The following URGCP variants were observed in gnomAD, a reference collection of about 807,000 sequenced individuals.
The protein encoded by URGCP is upregulator of cell proliferation.
A neutral mutation model predicts 24.6 loss-of-function variants in URGCP; 13 were observed. The observed-to-expected ratio is 0.53, with a 90% CI of 0.34 to 0.84. URGCP has a LOEUF of 0.84. URGCP is among the 40% of genes least tolerant of loss of function. The pLI, the probability that URGCP is intolerant of heterozygous loss-of-function variation, is 0.01. For synonymous variants in URGCP, 444 were observed against 487.2 expected (o/e 0.91, Z 1.17); for missense variants, 899 against 1,194.3 (o/e 0.75, Z 3.64).
upstream of URGCP, among the ~76,000 whole-genome samples, chr7:43,909,891 A>G (rs2095908094): frequency 1.4e-5 from 2 of 146,158 alleles, no homozygotes; most frequent in South Asian, 4.3e-4. Context: ...TAAAAATACA[A>G]AATTAGCCGG....
At chr7:43,888,114 T>C (rs1327590310) in intron 1 of URGCP, 1 of 262,954 alleles carries the variant, frequency 3.8e-6, no homozygotes, top group Non-Finnish European at 7.1e-6. Context: ...TACAGAACTC[T>C]AGAAGGATGT....
intron 1 of URGCP, among the ~76,000 whole-genome samples, chr7:43,913,381 T>A (rs6960144): frequency 0.017 from 2,531 of 151,340 alleles, 63 homozygotes; most frequent in African/African-American, 0.058. Context: ...GCTATTTTTT[T>A]TTTTTATTTT....
chr7:43,897,426 C>T (rs1053693585), intron 1 of URGCP, among the ~76,000 whole-genome samples: 4 of 151,872 alleles, frequency 2.6e-5, no homozygotes, highest in Non-Finnish European at 5.9e-5. Flanking sequence ...CAGGCATAGC[C>T]GGGGCAAAGG....
intron 1 of URGCP, among the ~76,000 whole-genome samples, chr7:43,900,515 A>T (rs566205763): frequency 4.6e-5 from 7 of 152,042 alleles, no homozygotes; most frequent in Non-Finnish European, 1.0e-4. Flanking sequence ...CAATTCAGCA[A>T]ATTTAAAACA....
At chr7:43,891,030 G>A (rs917622200) in intron 1 of URGCP, among the ~76,000 whole-genome samples, 1 of 151,908 alleles carries the variant, frequency 6.6e-6, no homozygotes, top group African/African-American at 2.4e-5. Context: ...GAGCTTTTCT[G>A]CTAAAACCTG....
chr7:43,905,133 G>C (rs1009206778), intron 1 of URGCP, among the ~76,000 whole-genome samples: 1 of 151,640 alleles, frequency 6.6e-6, no homozygotes, highest in African/African-American at 2.4e-5. Context: ...CACCAGTGAA[G>C]CATTAAGTCC....
At position 43,878,191 on chromosome 7, in the gene URGCP, G is replaced by A. The variant is rs1008020689; in HGVS notation, c.1272C>T (p.Ser424=). The part of the protein sequence containing the change: ...HVLVKVSSTD[S]DSFVKRIRAI... ...CCCGGATCCTCTTCACGAAGCTGTC[G>A]CTGTCAGTGCTGCTGACCTTTACCA... Residue 424 remains serine (S), a synonymous_variant, in exon 6 of 6, where the codon AGC becomes AGT. Transcript: ENST00000453200. This position sits in a 1 kb window ranked among gnomAD's most constrained non-coding sequence, Gnocchi z 5.6. 6.8e-6 allele frequency: 11 copies of A among 1,614,046 alleles called. No homozygotes were observed. Among genetic ancestry groups the A allele is most frequent in the African/African-American group, 4.0e-5 (3 of 74,918 alleles).
Position 43,919,408 on chromosome 7 carries a change from C to T in URGCP, c.-116+6724G>A, listed in dbSNP as rs529577114. ...AACCAGCTGGTGTCCACCATCATCT[C>T]GGCCAGCACCATCACCCTGCGCTAC... On this transcript the variant is annotated intron_variant, in intron 1 of 5. Transcript: ENST00000426198. 120 of 876,740 alleles carry T rather than the reference C, an allele frequency of 1.4e-4. 1 individual carries two copies. The African/African-American group carries it at 1.7e-3, about 13-fold the overall frequency. 54.3% of individuals were successfully genotyped at this position (876,740 alleles called of 1,614,324 possible).
At chr7:43,916,216 G>A (rs935959364) in intron 1 of URGCP, among the ~76,000 whole-genome samples, 2 of 152,132 alleles carry the variant, frequency 1.3e-5, no homozygotes, top group African/African-American at 2.4e-5. Flanking sequence ...TTAGAACGGC[G>A]AGGACTGTGA....
chr7:43,924,523 G>T (rs940375015), intron 1 of URGCP, among the ~76,000 whole-genome samples: 1 of 152,136 alleles, frequency 6.6e-6, no homozygotes, highest in South Asian at 2.1e-4. Context: ...AGAATCACTT[G>T]TTTTATGGGG....
chr7:43,915,607 G>T (rs561552324), intron 1 of URGCP, among the ~76,000 whole-genome samples: 1 of 152,336 alleles, frequency 6.6e-6, no homozygotes, highest in East Asian at 1.9e-4. Flanking sequence ...TGGCCCAAGG[G>T]CCCCATGCAG....
chr7:43,878,821 T>C lies in URGCP; in HGVS notation c.642A>G (p.Pro214=). 1 of 1,613,856 alleles carries C rather than the reference T, an allele frequency of 6.2e-7. No homozygotes were observed. The highest frequency in any genetic ancestry group is 1.7e-5 in the Admixed American group (1 of 59,976). ...LKMALCQFAL[P]LVLPDSENHY... The stretch of plus-strand genomic sequence containing the variant: ...GGTTCTCCGAGTCAGGCAACACGAG[T>C]GGGAGTGCAAACTGGCAGAGGGCCA... The change falls in exon 6 of 6, where the codon CCA becomes CCG. Residue 214 remains proline, a synonymous_variant. Coordinates refer to ENST00000453200, the MANE Select transcript of URGCP (RefSeq NM_001077663.3). This position sits in a 1 kb window ranked among gnomAD's most constrained non-coding sequence, Gnocchi z 5.6.
intron 1 of URGCP, chr7:43,918,877 T>A: frequency 7.1e-7 from 1 of 1,402,876 alleles, no homozygotes; most frequent in Non-Finnish European, 1.0e-6. Context: ...GAGCACTACA[T>A]CCCCCGGGCT....
chr7:43,920,189 C>G, intron 1 of URGCP: 1 of 563,384 alleles, frequency 1.8e-6, no homozygotes, highest in Non-Finnish European at 3.2e-6. Flanking sequence ...TTCTGTTAGT[C>G]TGCGAACACA....
At chr7:43,883,310 TTATATA>T (rs2095856695) in intron 3 of URGCP, among the ~76,000 whole-genome samples, 1 of 142,708 alleles carries the variant, frequency 7.0e-6, no homozygotes, top group Admixed American at 7.1e-5. Flanking sequence ...GTTCCAAAAT[TTATATA>T]TATAAATATA....
rs2095843975 is a variant in URGCP, at chr7:43,876,177, G to A, written c.*490C>T. 6.1e-6 allele frequency: 1 copy of A among 165,214 alleles called. No homozygotes were observed. Among genetic ancestry groups the A allele is most frequent in the African/African-American group, 2.4e-5 (1 of 41,610 alleles). The allele number at this position is 165,214 out of a possible 1,614,324, so 10.2% of individuals were successfully genotyped here. A position where few individuals can be genotyped will look rare whatever the true frequency, so the allele number is the denominator to read the frequency against. On this transcript the variant is annotated 3_prime_UTR_variant, in exon 6 of 6. Coordinates refer to ENST00000453200, the MANE Select transcript of URGCP (RefSeq NM_001077663.3). ...AGTCAATAAATACGGTGCCATGGGA[G>A]TGCCTTGCACACCACGGGCACTCAC...
chr7:43,890,765 TGGACGG>T (rs1241530947), intron 1 of URGCP, among the ~76,000 whole-genome samples: 2 of 152,190 alleles, frequency 1.3e-5, no homozygotes, highest in Non-Finnish European at 2.9e-5. Flanking sequence ...AGTTAGCCAG[TGGACGG>T]GCTGGTTTGT....
chr7:43,897,478 T>A (rs550676479), intron 1 of URGCP, among the ~76,000 whole-genome samples: 1 of 152,062 alleles, frequency 6.6e-6, no homozygotes, highest in Admixed American at 6.6e-5. Context: ...CCGAGTGGCT[T>A]GAGCAAGAGA....
In URGCP at chr7:43,878,832, A is replaced by G; in HGVS notation, c.631T>C (p.Phe211Leu). The G allele has an allele frequency of 6.2e-7, 1 of 1,614,164 alleles. No homozygotes were observed. The highest frequency in any genetic ancestry group is 8.5e-7 in the Non-Finnish European group (1 of 1,180,024). Reference sequence around the variant, plus strand: ...TCAGGCAACACGAGTGGGAGTGCAAACTGGCAGAGGGCCATTTTCAACGCT... The same window carrying G: ...TCAGGCAACACGAGTGGGAGTGCAAGCTGGCAGAGGGCCATTTTCAACGCT... ...EIALKMALCQ[F>L]ALPLVLPDSE... Residue 211 changes from phenylalanine to leucine, a missense_variant, in exon 6 of 6, where the codon TTT becomes CTT. Physicochemically the swap from Phe to Leu is conservative, Grantham distance 22 (BLOSUM62 0). Transcript: ENST00000453200. This position sits in a 1 kb window ranked among gnomAD's most constrained non-coding sequence, Gnocchi z 5.6.
Sources: allele counts gnomAD v4.1 joint callset (sites outside exome capture counted in the v4.1 genomes callset), GRCh38; gene constraint gnomAD v4.1.1; non-coding constraint Gnocchi (gnomAD v3.1); transcripts MANE v1.5; gene names NCBI Gene and HGNC (gene_info 2026-07-23, HGNC 2026-07-21).